PTPRB: variants seen among roughly 807,000 people sequenced by gnomAD.
PTPRB encodes the protein receptor-type tyrosine-protein phosphatase beta.
Under a neutral mutation model 238.1 loss-of-function variants are expected in PTPRB, and 97 were observed. The ratio of observed to expected loss-of-function variants is 0.41; its 90% CI spans 0.35 to 0.48. The LOEUF is 0.48. Among genes scored for constraint, PTPRB ranks in the 20% least tolerant of loss-of-function variants. The pLI is 0.30. For synonymous variants in PTPRB, 970 were observed against 995.4 expected (o/e 0.97, Z 0.48); for missense variants, 2,292 against 2,681.9 (o/e 0.85, Z 3.21).
intron 28 of PTPRB, chr12:70,537,899 G>A (rs1874416999): frequency 2.8e-6 from 1 of 361,068 alleles, no homozygotes; most frequent in Non-Finnish European, 5.0e-6. Context: ...CTTGGTTAAG[G>A]ACTGCAGAGA....
At chr12:70,564,397 A>G (rs541810249) in intron 15 of PTPRB, among the ~76,000 whole-genome samples, 76 of 151,554 alleles carry the variant, frequency 5.0e-4, no homozygotes, top group Non-Finnish European at 7.9e-4. Flanking sequence ...CTGTAGTCCC[A>G]CTCGGTATGC....
intron 3 of PTPRB, among the ~76,000 whole-genome samples, chr12:70,620,533 T>TA (rs1174753836): frequency 1.3e-5 from 2 of 152,226 alleles, no homozygotes. Context: ...TCTCTACTGT[T>TA]ACATATATTT....
At chr12:70,527,736 G>GAGGT (rs1187180942) in intron 32 of PTPRB, 1 of 152,180 alleles carries the variant, frequency 6.6e-6, no homozygotes, top group East Asian at 1.9e-4. Flanking sequence ...AATAAAGACA[G>GAGGT]AGGTAAGTTG....
intron 21 of PTPRB, among the ~76,000 whole-genome samples, chr12:70,547,688 T>G (rs1375032519): frequency 6.6e-6 from 1 of 151,956 alleles, no homozygotes; most frequent in East Asian, 1.9e-4. Flanking sequence ...TGTATTTTTA[T>G]TACAGATGGG....
intron 10 of PTPRB, among the ~76,000 whole-genome samples, chr12:70,578,492 G>A (rs1436522987): frequency 6.6e-6 from 1 of 151,944 alleles, no homozygotes; most frequent in African/African-American, 2.4e-5. Context: ...AATAACTCGT[G>A]CTCAATTTAT....
intron 13 of PTPRB, among the ~76,000 whole-genome samples, chr12:70,570,502 G>A (rs56412658): frequency 0.2 from 29,773 of 151,592 alleles, 3,106 homozygotes; most frequent in African/African-American, 0.26. Flanking sequence ...ACGTAACACC[G>A]TGCCCGGCTA....
At chr12:70,524,854 T>G in intron 32 of PTPRB, among the ~76,000 whole-genome samples, 1 of 137,174 alleles carries the variant, frequency 7.3e-6, no homozygotes, top group East Asian at 1.9e-4. Context: ...TATATATGTG[T>G]GTATATGTGT....
Position 70,524,503 on chromosome 12 carries a change from A to G in PTPRB, c.6593T>C (p.Ile2198Thr), listed in dbSNP as rs760959819. 6.2e-7 allele frequency: 1 copy of G among 1,613,284 alleles called. No homozygotes were observed. Among genetic ancestry groups the G allele is most frequent in the South Asian group, 1.1e-5 (1 of 90,922 alleles). ...RSEQENPLFP[I>T]YENVNPEYHR... ...ATACTCTGGATTCACATTTTCATAG[A>G]TTGGAAACAAGGGGTTTTCTTGTTC... The change falls in exon 33 of 34, where the codon ATC becomes ACC. Residue 2198 changes from isoleucine to threonine, a missense_variant. Physicochemically the swap from Ile to Thr is moderately conservative, Grantham distance 89. Around this residue, in one of 4 missense-constraint regions of PTPRB, gnomAD observed 397 missense variants for 502.0 expected, o/e 0.79. Coordinates refer to ENST00000334414, the MANE Select transcript of PTPRB (RefSeq NM_001109754.4).
At chr12:70,551,670 G>A (rs1375221053) in intron 21 of PTPRB, among the ~76,000 whole-genome samples, 1 of 152,086 alleles carries the variant, frequency 6.6e-6, no homozygotes, top group South Asian at 2.1e-4. Flanking sequence ...TGCCATATTG[G>A]TTAGGTATCA....
chr12:70,620,702 C>T (rs1884890892), intron 3 of PTPRB, among the ~76,000 whole-genome samples: 1 of 152,148 alleles, frequency 6.6e-6, no homozygotes, highest in Non-Finnish European at 1.5e-5. Flanking sequence ...GAAATCATGT[C>T]TTTCACATCA....
chr12:70,634,196 T>A (rs1271082660), intron 2 of PTPRB, among the ~76,000 whole-genome samples: 12 of 152,128 alleles, frequency 7.9e-5, no homozygotes, highest in Non-Finnish European at 2.9e-5. Flanking sequence ...ACTTACAGAA[T>A]GAATGAGTGA....
At chr12:70,627,588 T>A (rs913472623) in intron 2 of PTPRB, among the ~76,000 whole-genome samples, 1 of 152,100 alleles carries the variant, frequency 6.6e-6, no homozygotes, top group African/African-American at 2.4e-5. Flanking sequence ...CCCATGAAAG[T>A]CATACATAGC....
In PTPRB at chr12:70,622,352, C is replaced by T. The variant is rs548255139; in HGVS notation, c.708+38G>A. 7.0e-5 allele frequency: 112 copies of T among 1,603,328 alleles called. 1 individual carries two copies. The highest frequency in any genetic ancestry group is 2.4e-4 in the African/African-American group (18 of 74,782). On this transcript the variant is annotated intron_variant, in intron 3 of 33. Transcript: ENST00000334414. Reference sequence around the variant, plus strand: ...TTTTCAAGCAATGAGCCTCCTGAGACGTGCACAGACCACACTCCACACACC... The same window carrying T: ...TTTTCAAGCAATGAGCCTCCTGAGATGTGCACAGACCACACTCCACACACC...
At chr12:70,631,510 T>C (rs1005244545) in intron 2 of PTPRB, among the ~76,000 whole-genome samples, 3 of 152,132 alleles carry the variant, frequency 2.0e-5, no homozygotes, top group African/African-American at 2.4e-5. Context: ...ATTCAGGACA[T>C]AGGCATGGGC....
intron 32 of PTPRB, 42 bp downstream of exon 32, chr12:70,531,993 G>A (rs1384478130): frequency 3.1e-6 from 5 of 1,611,504 alleles, no homozygotes; most frequent in Non-Finnish European, 4.2e-6. Flanking sequence ...GGAATACAGT[G>A]GGGAGGAGGG....
chr12:70,594,366 C>T, intron 6 of PTPRB, 101 bp downstream of exon 6: 1 of 1,437,670 alleles, frequency 7.0e-7, no homozygotes, highest in Admixed American at 2.1e-5. Context: ...ATAAGAATTT[C>T]AATTTGTCCT....
chr12:70,528,257 G>A (rs1872684445), intron 32 of PTPRB, among the ~76,000 whole-genome samples: 1 of 152,188 alleles, frequency 6.6e-6, no homozygotes, highest in African/African-American at 2.4e-5. Context: ...ACGATGACAT[G>A]AAGCTGGAGG....
At chr12:70,555,735 G>C (rs1046690484) in intron 19 of PTPRB, 135 bp downstream of exon 19, 1 of 1,137,402 alleles carries the variant, frequency 8.8e-7, no homozygotes, top group African/African-American at 1.6e-5. Context: ...CTCCTCTCCA[G>C]GTGGCAATCA....
At chr12:70,622,305 G>T in intron 3 of PTPRB, 85 bp downstream of exon 3, 1 of 1,543,378 alleles carries the variant, frequency 6.5e-7, no homozygotes. Context: ...CTGCAGCAGT[G>T]GCATTTTTAG....
Sources: allele counts gnomAD v4.1 joint callset (sites outside exome capture counted in the v4.1 genomes callset), GRCh38; gene constraint gnomAD v4.1.1; regional missense constraint gnomAD v4.1.1; transcripts MANE v1.5; gene names NCBI Gene and HGNC (gene_info 2026-07-23, HGNC 2026-07-21).